Variants in RBFOX1 observed in about 807,000 individuals in gnomAD.
RBFOX1 encodes the protein RNA binding fox-1 homolog 1, also known as RNA binding protein fox-1 homolog 1.
In RBFOX1, 8 loss-of-function variants were observed where a neutral mutation model predicts 57.7. That is an observed-to-expected ratio of 0.14 (90% confidence interval 0.08 to 0.25). The LOEUF is 0.25. Among genes scored for constraint, RBFOX1 ranks in the 10% least tolerant of loss-of-function variants. The pLI, the probability that RBFOX1 is intolerant of heterozygous loss-of-function variation, is 1.00. For synonymous variants in RBFOX1, 326 were observed against 222.4 expected (o/e 1.47, Z -4.15); for missense variants, 611 against 548.5 (o/e 1.11, Z -1.14).
At chr16:6,874,547 T>C (rs1275214399) in intron 3 of RBFOX1, among the ~76,000 whole-genome samples, 2 of 144,208 alleles carry the variant, frequency 1.4e-5, no homozygotes, top group Non-Finnish European at 3.0e-5. Context: ...AATGAAATAA[T>C]GGCATTCGCA....
exon 3 of RBFOX1, chr16:5,599,756 T>G (rs2047304019): frequency 6.5e-6 from 1 of 153,562 alleles, no homozygotes; most frequent in Non-Finnish European, 1.4e-5. Flanking sequence ...TAACATAAAG[T>G]GAGTTGACTC....
intron 2 of RBFOX1, among the ~76,000 whole-genome samples, chr16:6,597,190 C>G (rs1401475512): frequency 6.6e-6 from 1 of 152,160 alleles, no homozygotes; most frequent in African/African-American, 2.4e-5. Flanking sequence ...GGACGATTCT[C>G]TAATCTTCAT....
intron 4 of RBFOX1, among the ~76,000 whole-genome samples, chr16:7,403,070 A>C (rs914297330): frequency 6.6e-6 from 1 of 152,136 alleles, no homozygotes; most frequent in Non-Finnish European, 1.5e-5. Context: ...TTATCTGACC[A>C]CTTCTTTTTA....
intron 3 of RBFOX1, among the ~76,000 whole-genome samples, chr16:6,729,939 G>T (rs1276719312): frequency 1.3e-5 from 2 of 152,104 alleles, no homozygotes; most frequent in Admixed American, 6.6e-5. Flanking sequence ...TCCGAGAAGA[G>T]ATAATGGCTG....
At chr16:6,082,477 A>G (rs748288446) in intron 1 of RBFOX1, among the ~76,000 whole-genome samples, 1 of 146,202 alleles carries the variant, frequency 6.8e-6, no homozygotes, top group Non-Finnish European at 1.5e-5. Context: ...CCTCCAGTGC[A>G]TTTTAGGCAC....
At chr16:7,491,897 A>C (rs1467910652) in intron 4 of RBFOX1, among the ~76,000 whole-genome samples, 3 of 152,170 alleles carry the variant, frequency 2.0e-5, no homozygotes, top group African/African-American at 7.2e-5. Flanking sequence ...CAATCTTCCA[A>C]ATCTGGCTAA....
chr16:6,736,085 G>GC (rs141816677), intron 3 of RBFOX1, among the ~76,000 whole-genome samples: 152,218 of 152,218 alleles, frequency 1, 76,109 homozygotes, highest in Non-Finnish European at 1. Context: ...CACAATTTTT[G>GC]TTCAAATTAT....
At chr16:5,295,868 C>A (rs2063654598) in intron 1 of RBFOX1, among the ~76,000 whole-genome samples, 1 of 152,186 alleles carries the variant, frequency 6.6e-6, no homozygotes, top group Admixed American at 6.5e-5. Context: ...GTTTTCTCTA[C>A]ATAGAATGGG....
chr16:6,656,675 A>C (rs2098655483), intron 3 of RBFOX1, among the ~76,000 whole-genome samples: 1 of 151,916 alleles, frequency 6.6e-6, no homozygotes, highest in African/African-American at 2.4e-5. Flanking sequence ...AATAATGTCA[A>C]ATGAAGCCTT....
At chr16:5,418,077 A>G (rs2067207737) in intron 1 of RBFOX1, among the ~76,000 whole-genome samples, 1 of 106,172 alleles carries the variant, frequency 9.4e-6, no homozygotes, top group Admixed American at 1.1e-4. Flanking sequence ...GCAAAACTCC[A>G]TCTCAACAAC....
chr16:7,501,313 C>G (rs934778436), intron 4 of RBFOX1, among the ~76,000 whole-genome samples: 1 of 152,240 alleles, frequency 6.6e-6, no homozygotes, highest in African/African-American at 2.4e-5. Flanking sequence ...TATCAGCTCT[C>G]TCTCTGTTCT....
At chr16:5,285,047 G>A (rs534433417) in intron 1 of RBFOX1, among the ~76,000 whole-genome samples, 1 of 152,054 alleles carries the variant, frequency 6.6e-6, no homozygotes, top group African/African-American at 2.4e-5. Context: ...TTATTAAATA[G>A]GTTTTCTATG....
intron 1 of RBFOX1, among the ~76,000 whole-genome samples, chr16:5,328,697 G>A (rs771930114): frequency 5.5e-4 from 84 of 152,308 alleles, no homozygotes; most frequent in Non-Finnish European, 9.1e-4. Context: ...AGCCTCCTGC[G>A]GAGCTGCCAG....
At chr16:6,572,250 C>G (rs2097354914) in intron 2 of RBFOX1, among the ~76,000 whole-genome samples, 1 of 152,116 alleles carries the variant, frequency 6.6e-6, no homozygotes, top group Non-Finnish European at 1.5e-5. Context: ...AGTGACAAAT[C>G]TGTATCAAAT....
At chr16:6,992,708 A>AT (rs749507123) in intron 3 of RBFOX1, among the ~76,000 whole-genome samples, 22 of 152,182 alleles carry the variant, frequency 1.4e-4, no homozygotes, top group African/African-American at 2.4e-4. Flanking sequence ...CCAGCTAATG[A>AT]TTTTAGAGAA....
intron 1 of RBFOX1, among the ~76,000 whole-genome samples, chr16:6,294,289 A>G (rs2077822841): frequency 6.6e-6 from 1 of 152,240 alleles, no homozygotes; most frequent in Non-Finnish European, 1.5e-5. Context: ...CTCTTCCTGA[A>G]GGAAGCATCA....
intron 4 of RBFOX1, among the ~76,000 whole-genome samples, chr16:7,203,728 T>G (rs2089259812): frequency 6.8e-6 from 1 of 147,726 alleles, no homozygotes; most frequent in Non-Finnish European, 1.5e-5. Flanking sequence ...TCTGTTTCCC[T>G]TTGCAAATAT....
chr16:6,886,143 C>T (rs1260363310), intron 3 of RBFOX1, among the ~76,000 whole-genome samples: 1 of 150,450 alleles, frequency 6.6e-6, no homozygotes, highest in Non-Finnish European at 1.5e-5. Flanking sequence ...CTCACTGCAT[C>T]CTCCGCCCCC....
intron 7 of RBFOX1, among the ~76,000 whole-genome samples, chr16:7,594,019 A>T (rs527582097): frequency 6.6e-6 from 1 of 152,188 alleles, no homozygotes; most frequent in Non-Finnish European, 1.5e-5. Flanking sequence ...GTACAGGTGC[A>T]CACTGTGCAG....
Sources: allele counts gnomAD v4.1 joint callset (sites outside exome capture counted in the v4.1 genomes callset), GRCh38; gene constraint gnomAD v4.1.1; transcripts MANE v1.5; gene names NCBI Gene and HGNC (gene_info 2026-07-23, HGNC 2026-07-21).